Variants in GOLGA3 observed in about 807,000 individuals in gnomAD.
The protein encoded by GOLGA3 is golgin subfamily A member 3.
A neutral mutation model predicts 169.4 loss-of-function variants in GOLGA3; 75 were observed. That is an observed-to-expected ratio of 0.44 (90% CI 0.37 to 0.54). The LOEUF is 0.54. Among genes scored for constraint, GOLGA3 ranks in the 20% least tolerant of loss-of-function variants. GOLGA3 has a pLI of 0.00. For synonymous variants in GOLGA3, 824 were observed against 822.4 expected (o/e 1.00, Z -0.03); for missense variants, 1,899 against 1,930.0 (o/e 0.98, Z 0.30).
rs752535211 is a variant in GOLGA3, at chr12:132,826,240, CAAAAAAA to C, written c.-184+2556_-184+2562del. The C allele has an allele frequency of 3.5e-4, 254 of 728,116 alleles. 1 individual carries two copies. In the East Asian group the frequency reaches 7.6e-3, roughly 22 times the overall value. 45.1% of individuals were successfully genotyped at this position (728,116 alleles called of 1,614,324 possible). A position where few individuals can be genotyped will look rare whatever the true frequency, so the allele number is the denominator to read the frequency against. On this transcript the variant is annotated intron_variant, in intron 1 of 23. Coordinates refer to ENST00000450791, the MANE Select transcript of GOLGA3 (RefSeq NM_001389683.1). ...GAAATAAAGTTATTTTCTCATTCTC[CAAAAAAA>C]AAAAAAAAAAAGAAACTGGAAGAGC...
intron 14 of GOLGA3, 24 bp from the exon 15 acceptor site, chr12:132,786,579 A>T (rs1313041308): frequency 6.2e-7 from 1 of 1,609,322 alleles, no homozygotes; most frequent in African/African-American, 1.3e-5. Context: ...AGGGAGACAC[A>T]GGAGGAAGCT....
At chr12:132,828,166 C>CA (rs1255356258) in intron 1 of GOLGA3, among the ~76,000 whole-genome samples, 2 of 152,170 alleles carry the variant, frequency 1.3e-5, no homozygotes, top group African/African-American at 4.8e-5. Context: ...GCCCGCCCCC[C>CA]AGGCTCCCAC....
At position 132,804,664 on chromosome 12, in the gene GOLGA3, G is replaced by A. The variant is rs1240405782; in HGVS notation, c.1597+52C>T. 12 of 1,448,630 alleles carry A rather than the reference G, an allele frequency of 8.3e-6. No homozygotes were observed. The East Asian group carries it at 2.5e-4, about 30-fold the overall frequency. 89.7% of individuals were successfully genotyped at this position (1,448,630 alleles called of 1,614,324 possible). On this transcript the variant is annotated intron_variant, in intron 7 of 23. Coordinates refer to ENST00000450791, the MANE Select transcript of GOLGA3 (RefSeq NM_001389683.1). The surrounding 1 kb of genome is among the most constrained non-coding windows in gnomAD (Gnocchi z 4.1). ...GGGGGCCAGTCGAGGAAGGAGGAGGGAGCAGCAGGGACCAGTCAGGGAGGG... is the reference window on the plus strand; with the variant it reads ...GGGGGCCAGTCGAGGAAGGAGGAGGAAGCAGCAGGGACCAGTCAGGGAGGG...
chr12:132,820,452 C>T (rs74720412), intron 2 of GOLGA3, among the ~76,000 whole-genome samples: 5,060 of 152,284 alleles, frequency 0.033, 280 homozygotes, highest in African/African-American at 0.11. Context: ...GCAGGTTCCA[C>T]GGCCGCGGGT....
Position 132,796,056 on chromosome 12 carries a change from C to T in GOLGA3, c.2265G>A (p.Gly755=). The T allele has an allele frequency of 1.9e-6, 3 of 1,612,710 alleles. No individual in the cohort carries two copies. Among genetic ancestry groups the T allele is most frequent in the Non-Finnish European group, 2.5e-6 (3 of 1,179,954 alleles). The stretch of plus-strand genomic sequence containing the variant: ...TGGAGGCGGCCTCGCCCTGCAGCTC[C>T]CCCAGCCTGGCCTGCAGCTCATCGT... ...THYDELQARL[G]ELQGEAASRE... Residue 755 remains glycine, a synonymous_variant, in exon 11 of 24, where the codon GGG becomes GGA. Coordinates refer to ENST00000450791, the MANE Select transcript of GOLGA3 (RefSeq NM_001389683.1).
intron 6 of GOLGA3, among the ~76,000 whole-genome samples, chr12:132,806,703 C>G (rs1219091076): frequency 6.6e-6 from 1 of 152,178 alleles, no homozygotes; most frequent in Non-Finnish European, 1.5e-5. Context: ...TAGCTCTTCA[C>G]TGTGGATAAA....
chr12:132,782,220 G>T (rs759336880), intron 17 of GOLGA3, 76 bp downstream of exon 17: 4 of 1,290,200 alleles, frequency 3.1e-6, no homozygotes, highest in Non-Finnish European at 3.4e-6. Flanking sequence ...ACTGAATCTG[G>T]ATGAGATTCT....
At position 132,777,805 on chromosome 12, in the gene GOLGA3, C is replaced by T. The variant is rs1360639614; in HGVS notation, c.3583G>A (p.Val1195Met). ...CCGGCTTCCACCTTGGCAGCAGCCACCTAGGAGGAAGGAAGCCACGTTGTC... is the reference window on the plus strand; with the variant it reads ...CCGGCTTCCACCTTGGCAGCAGCCATCTAGGAGGAAGGAAGCCACGTTGTC... ...KEKVNSLKEQ[V>M]AAAKVEAGHN... Residue 1195 changes from valine (V) to methionine (M), a missense_variant and splice_region_variant, in exon 19 of 24, where the codon GTG (valine) becomes ATG (methionine). Val to Met is a conservative substitution (Grantham distance 21, BLOSUM62 1). Coordinates refer to ENST00000450791, the MANE Select transcript of GOLGA3 (RefSeq NM_001389683.1). The surrounding 1 kb of genome is among the most constrained non-coding windows in gnomAD (Gnocchi z 4.7). 6.2e-7 allele frequency: 1 copy of T among 1,613,466 alleles called. No homozygotes were observed. The highest frequency in any genetic ancestry group is 1.7e-5 in the Admixed American group (1 of 59,968).
intron 16 of GOLGA3, among the ~76,000 whole-genome samples, chr12:132,782,908 A>T (rs866618310): frequency 6.6e-6 from 1 of 151,662 alleles, no homozygotes; most frequent in African/African-American, 2.4e-5. Context: ...AGAAAAGAAA[A>T]GAAACATCGA....
chr12:132,813,257 C>G (rs1050662128), intron 4 of GOLGA3, 50 bp downstream of exon 4: 3 of 1,281,162 alleles, frequency 2.3e-6, no homozygotes, highest in Non-Finnish European at 3.4e-6. Flanking sequence ...CAACAGTTGT[C>G]TCTGGCACAG....
chr12:132,796,264 C>A, intron 10 of GOLGA3, 44 bp from the exon 11 acceptor site: 1 of 1,542,604 alleles, frequency 6.5e-7, no homozygotes, highest in Non-Finnish European at 8.7e-7. Flanking sequence ...TGACCCTCCT[C>A]CGAGAGCGTA....
chr12:132,810,824 CG>C (rs1328453930), intron 4 of GOLGA3, among the ~76,000 whole-genome samples: 9 of 152,208 alleles, frequency 5.9e-5, no homozygotes, highest in Non-Finnish European at 7.3e-5. Context: ...GTCAGGCCCG[CG>C]CACAGTTATC....
rs774149663 is a variant in GOLGA3 at position 132,786,456 on chromosome 12, G to A, written c.3006C>T (p.Ala1002=). 90 of 1,613,574 alleles carry A rather than the reference G, an allele frequency of 5.6e-5. No individual in the cohort carries two copies. In the East Asian group the frequency reaches 1.7e-3, roughly 31 times the overall value. The change falls in exon 15 of 24, where the codon GCC becomes GCT. Residue 1002 remains alanine, a synonymous_variant. Coordinates refer to ENST00000450791, the MANE Select transcript of GOLGA3 (RefSeq NM_001389683.1). ...GCAGGCGGCGGCTGAGGATGCCCAC[G>A]GCGTTCTCGTAGGCCTTATGTTTGG... is the stretch of plus-strand genomic sequence containing the variant. The part of the protein sequence containing the change: ...MKTKHKAYEN[A]VGILSRRLQE...
In GOLGA3 at chr12:132,822,152, T is replaced by C. The variant is rs2136786966; in HGVS notation, c.-24A>G. On this transcript the variant is annotated 5_prime_UTR_variant, in exon 2 of 24. Coordinates refer to ENST00000450791, the MANE Select transcript of GOLGA3 (RefSeq NM_001389683.1). The stretch of plus-strand genomic sequence containing the variant: ...ATGGTCAGGACGACACCAGCTGAGC[T>C]GACGCTGAGGGGCTACAAGTGAACC... 1 of 1,589,042 alleles carries C rather than the reference T, an allele frequency of 6.3e-7. No homozygotes were observed. The highest frequency in any genetic ancestry group is 1.4e-5 in the African/African-American group (1 of 73,004).
At chr12:132,775,381 A>G (rs1037184133) in intron 21 of GOLGA3, 76 bp from the exon 22 acceptor site, 7 of 1,344,828 alleles carry the variant, frequency 5.2e-6, no homozygotes, top group Non-Finnish European at 7.2e-6. Context: ...TTGTATTTTC[A>G]TAGGTTAAGC....
At position 132,773,030 on chromosome 12, in the gene GOLGA3, C is replaced by T. The variant is rs936206061; in HGVS notation, c.*75G>A. 85 of 1,100,010 alleles carry T rather than the reference C, an allele frequency of 7.7e-5. No individual in the cohort carries two copies. The East Asian group carries it at 2.1e-3, about 28-fold the overall frequency. The allele number at this position is 1,100,010 out of a possible 1,614,324, so 68.1% of individuals were successfully genotyped here. A position where few individuals can be genotyped will look rare whatever the true frequency, so the allele number is the denominator to read the frequency against. Reference sequence around the variant, plus strand: ...TAAATTTCATGTCTTAGAAAAACATCGACCACACAATCAAATAAATAACAT... The same window carrying T: ...TAAATTTCATGTCTTAGAAAAACATTGACCACACAATCAAATAAATAACAT... On this transcript the variant is annotated 3_prime_UTR_variant, in exon 24 of 24. Coordinates refer to ENST00000450791, the MANE Select transcript of GOLGA3 (RefSeq NM_001389683.1).
Position 132,775,174 on chromosome 12 carries a change from G to C in GOLGA3, c.4110C>G (p.Leu1370=), listed in dbSNP as rs2045153918. ...CCGCGCCGCGGCGTAGGTCCAGCTT[G>C]AGCTGCTGGTTCTGCTGGAGCAGGG... ...MKTLLQQNQQ[L]KLDLRRGAAK... is the part of the protein sequence containing the mutation. The change falls in exon 22 of 24, where the codon CTC becomes CTG. Residue 1370 remains leucine (L), a synonymous_variant. Transcript: ENST00000450791. 1 of 1,614,038 alleles carries C rather than the reference G, an allele frequency of 6.2e-7. No homozygotes were observed. Among genetic ancestry groups the C allele is most frequent in the Non-Finnish European group, 8.5e-7 (1 of 1,180,012 alleles).
chr12:132,779,986 G>A (rs1204265117), intron 18 of GOLGA3, among the ~76,000 whole-genome samples: 4 of 97,692 alleles, frequency 4.1e-5, no homozygotes, highest in Non-Finnish European at 7.6e-5. Flanking sequence ...CAGCCCGCGT[G>A]CACACACACC....
At chr12:132,810,325 G>A (rs1742960239) in intron 4 of GOLGA3, among the ~76,000 whole-genome samples, 2 of 151,916 alleles carry the variant, frequency 1.3e-5, no homozygotes, top group South Asian at 2.1e-4. Context: ...AATTTCCTCC[G>A]CCTGCCCACA....
Sources: allele counts gnomAD v4.1 joint callset (sites outside exome capture counted in the v4.1 genomes callset), GRCh38; gene constraint gnomAD v4.1.1; non-coding constraint Gnocchi (gnomAD v3.1); transcripts MANE v1.5; gene names NCBI Gene and HGNC (gene_info 2026-07-23, HGNC 2026-07-21).